Variants in AZI2 observed in about 807,000 individuals in gnomAD.
The protein encoded by AZI2 is 5-azacytidine-induced protein 2.
In AZI2, 22 loss-of-function variants were observed where a neutral mutation model predicts 45.8. That is an observed-to-expected ratio of 0.48 (90% CI 0.34 to 0.69). AZI2 has a LOEUF of 0.69. Ranked by LOEUF, AZI2 falls within the 30% of genes least tolerant of loss-of-function variation. The pLI, the probability that AZI2 is intolerant of heterozygous loss-of-function variation, is 0.01. For synonymous variants in AZI2, 137 were observed against 156.7 expected (o/e 0.87, Z 0.94); for missense variants, 417 against 441.5 (o/e 0.94, Z 0.50).
At chr3:28,338,330 A>G (rs949572012) in intron 3 of AZI2, among the ~76,000 whole-genome samples, 163 bp downstream of exon 3, 1 of 152,136 alleles carries the variant, frequency 6.6e-6, no homozygotes, top group Non-Finnish European at 1.5e-5. Context: ...TATTTTACAT[A>G]AAAATAAGTT....
Position 28,323,691 on chromosome 3 carries a change from C to T in AZI2, c.*351G>A, listed in dbSNP as rs1703266047. The T allele has an allele frequency of 5.9e-6, 1 of 170,454 alleles. No individual in the cohort carries two copies. The highest frequency in any genetic ancestry group is 2.4e-5 in the African/African-American group (1 of 42,046). 10.6% of individuals were successfully genotyped at this position (170,454 alleles called of 1,614,324 possible). A position where few individuals can be genotyped will look rare whatever the true frequency, so the allele number is the denominator to read the frequency against. On this transcript the variant is annotated 3_prime_UTR_variant, in exon 8 of 8. Coordinates refer to ENST00000479665, the MANE Select transcript of AZI2 (RefSeq NM_022461.5). Reference sequence around the variant, plus strand: ...TTATTTTTATGAACAGATATTTAGACATTTCACATTTTGTAAAACCACGTC... The same window carrying T: ...TTATTTTTATGAACAGATATTTAGATATTTCACATTTTGTAAAACCACGTC...
chr3:28,324,391 T>C lies in AZI2; in HGVS notation c.830A>G (p.Asn277Ser). ...GRDSTKLHLM[N>S]FTATYTRHPP... ...ATGTCTTGTGTATGTTGCAGTAAAA[T>C]TCATCAAGTGCAGTTTTGTGCTGTC... The change falls in exon 8 of 8, where the codon AAT becomes AGT. Residue 277 changes from asparagine (N) to serine (S), a missense_variant. Physicochemically the swap from Asn to Ser is conservative, Grantham distance 46. Transcript: ENST00000479665. 1 of 1,558,402 alleles carries C rather than the reference T, an allele frequency of 6.4e-7. No individual in the cohort carries two copies. The highest frequency in any genetic ancestry group is 8.7e-7 in the Non-Finnish European group (1 of 1,151,860).
intron 1 of AZI2, among the ~76,000 whole-genome samples, chr3:28,347,549 A>T (rs955357944): frequency 6.6e-6 from 1 of 152,208 alleles, no homozygotes; most frequent in Non-Finnish European, 1.5e-5. Flanking sequence ...CCCATTTCAG[A>T]GATAAGGAAA....
At chr3:28,330,257 G>C (rs549070732) in intron 6 of AZI2, among the ~76,000 whole-genome samples, 19 of 151,128 alleles carry the variant, frequency 1.3e-4, no homozygotes, top group Non-Finnish European at 2.5e-4. Flanking sequence ...AAGGCCTCCA[G>C]TAATTAAAAG....
At position 28,323,468 on chromosome 3, in the gene AZI2, T is replaced by A. The variant is rs949269252; in HGVS notation, c.*574A>T. 7.9e-5 allele frequency: 12 copies of A among 151,270 alleles called. No homozygotes were observed. Among genetic ancestry groups the A allele is most frequent in the African/African-American group, 2.7e-4 (11 of 41,268 alleles). The allele number at this position is 151,270 out of a possible 1,614,324, so 9.4% of individuals were successfully genotyped here. On this transcript the variant is annotated 3_prime_UTR_variant, in exon 8 of 8. Transcript: ENST00000479665. The stretch of plus-strand genomic sequence containing the variant: ...TTCAAACTTCAATTCTAAAAAAATT[T>A]TATCAACAAAACACTGTGACCAAAA...
At chr3:28,328,488 AAAG>A (rs1031473583) in intron 6 of AZI2, among the ~76,000 whole-genome samples, 1 of 151,170 alleles carries the variant, frequency 6.6e-6, no homozygotes, top group African/African-American at 2.4e-5. Flanking sequence ...GTTTTAGAGA[AAAG>A]AAGAGCAAAT....
At chr3:28,332,506 G>GACAT in intron 5 of AZI2, 79 bp from the exon 6 acceptor site, 1 of 1,204,194 alleles carries the variant, frequency 8.3e-7, no homozygotes, top group Admixed American at 1.9e-5. Flanking sequence ...TCTTACCAGA[G>GACAT]ACATGTTCAG....
In AZI2 at chr3:28,324,434, T is replaced by C. The variant is rs767970338; in HGVS notation, c.787A>G (p.Ser263Gly). The change falls in exon 8 of 8, where the codon AGT becomes GGT. Residue 263 changes from serine (S) to glycine (G), a missense_variant. Transcript: ENST00000479665. ...IKKACAPVGCSEDLGRDSTKL... is the reference protein window; with the variant it reads ...IKKACAPVGCGEDLGRDSTKL... ...GTGCTGTCTCTTCCAAGGTCTTCAC[T>C]GCATCCTACAGGGGCACAGGCTAAA... 2.0e-6 allele frequency: 3 copies of C among 1,509,488 alleles called. No individual in the cohort carries two copies. Among genetic ancestry groups the C allele is most frequent in the Non-Finnish European group, 2.7e-6 (3 of 1,127,208 alleles). The allele number at this position is 1,509,488 out of a possible 1,614,324, so 93.5% of individuals were successfully genotyped here. A position where few individuals can be genotyped will look rare whatever the true frequency, so the allele number is the denominator to read the frequency against.
rs35779568 is a variant in AZI2, at chr3:28,324,447, G to A, written c.774C>T (p.Ala258=). Residue 258 remains alanine (A), a synonymous_variant, in exon 8 of 8, where the codon GCC becomes GCT. Transcript: ENST00000479665. ...CAAGGTCTTCACTGCATCCTACAGG[G>A]GCACAGGCTAAAAAGAAAACACAGA... is the stretch of plus-strand genomic sequence containing the variant. ...KTSTAIKKAC[A]PVGCSEDLGR... 1.1e-4 allele frequency: 160 copies of A among 1,469,274 alleles called. No homozygotes were observed. Among genetic ancestry groups the A allele is most frequent in the Admixed American group, 7.5e-4 (32 of 42,716 alleles). The allele number at this position is 1,469,274 out of a possible 1,614,324, so 91.0% of individuals were successfully genotyped here. A position where few individuals can be genotyped will look rare whatever the true frequency, so the allele number is the denominator to read the frequency against.
At chr3:28,347,538 A>T (rs1226388024) in intron 1 of AZI2, among the ~76,000 whole-genome samples, 1 of 152,118 alleles carries the variant, frequency 6.6e-6, no homozygotes, top group Non-Finnish European at 1.5e-5. Context: ...TATGTATTAC[A>T]CCCATTTCAG....
rs1301061190 is a variant in AZI2 at position 28,322,059 on chromosome 3, G to A, written c.*1983C>T. ...TTTTTGGTTGTTTGAATTTTACCTA[G>A]AACAGAGATATCAAGTGTAGATTTA... On this transcript the variant is annotated 3_prime_UTR_variant, in exon 8 of 8. Transcript: ENST00000479665. The A allele has an allele frequency of 2.0e-5, 3 of 151,236 alleles. No homozygotes were observed. In the East Asian group the frequency reaches 5.8e-4, roughly 29 times the overall value. 9.4% of individuals were successfully genotyped at this position (151,236 alleles called of 1,614,324 possible). A position where few individuals can be genotyped will look rare whatever the true frequency, so the allele number is the denominator to read the frequency against.
At chr3:28,333,328 C>CT (rs764787111) in intron 5 of AZI2, among the ~76,000 whole-genome samples, 73 of 151,670 alleles carry the variant, frequency 4.8e-4, no homozygotes, top group Non-Finnish European at 7.8e-4. Flanking sequence ...TTTTAATACT[C>CT]TAACAGTTAA....
rs193026417 is a variant in AZI2 at position 28,347,928 on chromosome 3, C to T, written c.-6+673G>A. On this transcript the variant is annotated intron_variant, in intron 1 of 7. Coordinates refer to ENST00000479665, the MANE Select transcript of AZI2 (RefSeq NM_022461.5). The stretch of plus-strand genomic sequence containing the variant: ...TAAGGCGCAAGGGTCAATTTTAATT[C>T]TGGTACGTCTGTCTTTGATCACCTT... 4.6e-5 allele frequency among the ~76,000 whole-genome samples: 7 copies of T among 152,350 alleles called. No individual in the cohort carries two copies. In the East Asian group the frequency reaches 1.4e-3, roughly 29 times the overall value.
rs1703975695 is a variant in AZI2, at chr3:28,340,594, A to G, written c.24T>C (p.Asp8=). 1 of 1,611,736 alleles carries G rather than the reference A, an allele frequency of 6.2e-7. No individual in the cohort carries two copies. Among genetic ancestry groups the G allele is most frequent in the African/African-American group, 1.3e-5 (1 of 74,968 alleles). The change falls in exon 2 of 8, where the codon GAT becomes GAC. Residue 8 remains aspartate (D), a synonymous_variant. Transcript: ENST00000479665. ...CTTTTTCATGATTCAGAATACAGAT[A>G]TCATCTTCTACCAGTGCATCCATGA... MDALVED[D]ICILNHEKAH...
intron 7 of AZI2, 67 bp downstream of exon 7, chr3:28,326,765 T>C: frequency 1.8e-6 from 2 of 1,130,714 alleles, no homozygotes; most frequent in East Asian, 2.4e-5. Flanking sequence ...TTTGATAAGA[T>C]ATGACAGCTA....
intron 5 of AZI2, among the ~76,000 whole-genome samples, chr3:28,335,262 ATATC>A (rs1703745540): frequency 6.6e-6 from 1 of 151,978 alleles, no homozygotes; most frequent in Non-Finnish European, 1.5e-5. Flanking sequence ...CTACAACAAA[ATATC>A]TATCACGTAT....
At position 28,321,211 on chromosome 3, in the gene AZI2, C is replaced by G. The variant is rs1703176858; in HGVS notation, c.*2831G>C. The stretch of plus-strand genomic sequence containing the variant: ...ACCACACAGCATAGGGGCAAACATG[C>G]CCATATTTCCACATTGACCTTTGGT... On this transcript the variant is annotated 3_prime_UTR_variant, in exon 8 of 8. Coordinates refer to ENST00000479665, the MANE Select transcript of AZI2 (RefSeq NM_022461.5). 2.0e-5 allele frequency: 3 copies of G among 151,344 alleles called. No homozygotes were observed. Among genetic ancestry groups the G allele is most frequent in the African/African-American group, 7.3e-5 (3 of 41,320 alleles). The allele number at this position is 151,344 out of a possible 1,614,324, so 9.4% of individuals were successfully genotyped here.
chr3:28,331,105 G>C, intron 6 of AZI2, among the ~76,000 whole-genome samples: 1 of 151,238 alleles, frequency 6.6e-6, no homozygotes, highest in East Asian at 1.9e-4. Context: ...TAGTGGATAT[G>C]ACCCAAATTA....
At chr3:28,344,505 C>T (rs1704148115) in intron 1 of AZI2, among the ~76,000 whole-genome samples, 2 of 152,014 alleles carry the variant, frequency 1.3e-5, no homozygotes, top group African/African-American at 2.4e-5. Context: ...AAATGTATTT[C>T]TACAGAGAAG....
Sources: allele counts gnomAD v4.1 joint callset (sites outside exome capture counted in the v4.1 genomes callset), GRCh38; gene constraint gnomAD v4.1.1; transcripts MANE v1.5; gene names NCBI Gene and HGNC (gene_info 2026-07-23, HGNC 2026-07-21).